AKAP6: variants seen among roughly 807,000 people sequenced by gnomAD.
AKAP6 encodes the protein A-kinase anchoring protein 6.
In AKAP6, 58 loss-of-function variants were observed where a neutral mutation model predicts 188.5. That is an observed-to-expected ratio of 0.31 (90% CI 0.25 to 0.38). The LOEUF is 0.38. Ranked by LOEUF, AKAP6 falls within the 10% of genes least tolerant of loss-of-function variation. AKAP6 has a pLI of 1.00. For missense variants in AKAP6, 2,710 were observed against 2,740.0 expected (o/e 0.99, Z 0.24); for synonymous variants, 989 against 998.6 (o/e 0.99, Z 0.18).
chr14:32,651,973 C>T (rs1334367303), intron 7 of AKAP6, among the ~76,000 whole-genome samples: 1 of 151,954 alleles, frequency 6.6e-6, no homozygotes, highest in African/African-American at 2.4e-5. Flanking sequence ...TCTGTTCTTC[C>T]TTATATAGTA....
At chr14:32,529,940 T>C (rs1187191434) in intron 2 of AKAP6, among the ~76,000 whole-genome samples, 3 of 151,176 alleles carry the variant, frequency 2.0e-5, no homozygotes, top group Non-Finnish European at 2.9e-5. Flanking sequence ...CATACACATA[T>C]GGTGAACATA....
chr14:32,397,757 G>A (rs190305218), intron 1 of AKAP6, among the ~76,000 whole-genome samples: 2 of 152,298 alleles, frequency 1.3e-5, no homozygotes, highest in Non-Finnish European at 1.5e-5. Context: ...TAAGGCAAGG[G>A]TAGGTACAAT....
chr14:32,801,607 C>T (rs1347502123), intron 12 of AKAP6, among the ~76,000 whole-genome samples: 1 of 152,118 alleles, frequency 6.6e-6, no homozygotes, highest in Non-Finnish European at 1.5e-5. Context: ...AGGATTCTTT[C>T]TTTATGTCAA....
At chr14:32,748,995 G>C (rs1444336410) in intron 11 of AKAP6, among the ~76,000 whole-genome samples, 1 of 152,138 alleles carries the variant, frequency 6.6e-6, no homozygotes, top group Non-Finnish European at 1.5e-5. Context: ...CATTTAAGGA[G>C]AGAAACAAAA....
intron 2 of AKAP6, among the ~76,000 whole-genome samples, chr14:32,473,370 T>C (rs1405610479): frequency 1.3e-5 from 2 of 152,122 alleles, no homozygotes; most frequent in Non-Finnish European, 2.9e-5. Flanking sequence ...AACTAGAAAA[T>C]GAGAAGTAGA....
chr14:32,822,541 T>C lies in AKAP6; in HGVS notation c.4728T>C (p.Asp1576=), dbSNP rs752072710. ...TTGAGTCCCTTTCTCCAGGGGGTGA[T>C]TTATTTGGATTGGGCATCTTTAAAA... ...SSIESLSPGG[D]LFGLGIFKNG... The change falls in exon 13 of 14, where the codon GAT becomes GAC. Residue 1576 remains aspartate, a synonymous_variant. Transcript: ENST00000280979. 6.2e-7 allele frequency: 1 copy of C among 1,614,022 alleles called. No individual in the cohort carries two copies. Among genetic ancestry groups the C allele is most frequent in the Non-Finnish European group, 8.5e-7 (1 of 1,179,944 alleles).
At chr14:32,631,475 CAAG>C (rs1887270702) in intron 7 of AKAP6, among the ~76,000 whole-genome samples, 1 of 151,956 alleles carries the variant, frequency 6.6e-6, no homozygotes, top group Non-Finnish European at 1.5e-5. Context: ...ACAAATATGG[CAAG>C]AAAGTTAGTA....
intron 11 of AKAP6, among the ~76,000 whole-genome samples, chr14:32,771,220 T>C (rs1322248129): frequency 2.0e-5 from 3 of 152,004 alleles, no homozygotes; most frequent in Non-Finnish European, 2.9e-5. Context: ...CTGAAAAATA[T>C]GTTGGTCATG....
At chr14:32,810,500 A>T (rs920678058) in intron 12 of AKAP6, among the ~76,000 whole-genome samples, 2 of 152,164 alleles carry the variant, frequency 1.3e-5, no homozygotes, top group South Asian at 2.1e-4. Flanking sequence ...AGGTCGCAAA[A>T]AGAAACCCTC....
At chr14:32,437,225 G>A (rs1890410804) in intron 2 of AKAP6, among the ~76,000 whole-genome samples, 1 of 152,106 alleles carries the variant, frequency 6.6e-6, no homozygotes, top group Non-Finnish European at 1.5e-5. Flanking sequence ...GGACAGTCAT[G>A]TTTAATATCT....
intron 12 of AKAP6, among the ~76,000 whole-genome samples, chr14:32,809,143 G>A (rs2034160012): frequency 6.6e-6 from 1 of 152,202 alleles, no homozygotes; most frequent in South Asian, 2.1e-4. Flanking sequence ...ACATAAAGCT[G>A]AGAAAGCTGG....
At chr14:32,717,609 C>CAA (rs2030290219) in intron 9 of AKAP6, among the ~76,000 whole-genome samples, 1 of 56,494 alleles carries the variant, frequency 1.8e-5, no homozygotes, top group African/African-American at 1.4e-4. Context: ...TGTCTCTTAT[C>CAA]ACACACACAC....
intron 1 of AKAP6, among the ~76,000 whole-genome samples, chr14:32,396,599 G>A (rs1480967389): frequency 1.3e-5 from 2 of 152,130 alleles, no homozygotes; most frequent in Non-Finnish European, 2.9e-5. Context: ...AAGGTGTGTT[G>A]GGGAGTTCTG....
chr14:32,599,592 C>T (rs557231262), intron 6 of AKAP6, 86 bp downstream of exon 6: 1 of 980,422 alleles, frequency 1.0e-6, no homozygotes, highest in Admixed American at 2.2e-5. Context: ...TGCATATATT[C>T]ACTTCCTTAT....
chr14:32,819,469 A>C (rs756602972), intron 12 of AKAP6, among the ~76,000 whole-genome samples: 8 of 152,198 alleles, frequency 5.3e-5, no homozygotes, highest in Non-Finnish European at 1.2e-4. Context: ...AATAATTCTG[A>C]CATTAATACA....
chr14:32,656,177 A>G (rs1465923304), intron 7 of AKAP6, among the ~76,000 whole-genome samples: 2 of 152,126 alleles, frequency 1.3e-5, no homozygotes, highest in African/African-American at 4.8e-5. Context: ...CAATATTTAT[A>G]GCGTGTATGA....
intron 2 of AKAP6, among the ~76,000 whole-genome samples, chr14:32,480,629 T>A (rs1303029764): frequency 6.6e-6 from 1 of 152,192 alleles, no homozygotes; most frequent in East Asian, 1.9e-4. Context: ...ACCCAAAGTT[T>A]TTTAAAAATC....
At chr14:32,378,233 T>A (rs113522487) in intron 1 of AKAP6, among the ~76,000 whole-genome samples, 9 of 152,324 alleles carry the variant, frequency 5.9e-5, no homozygotes, top group African/African-American at 1.7e-4. Context: ...ATAATAATAC[T>A]GAAATATTTA....
At chr14:32,829,383 A>C (rs1009754937) in intron 13 of AKAP6, among the ~76,000 whole-genome samples, 1 of 152,230 alleles carries the variant, frequency 6.6e-6, no homozygotes, top group African/African-American at 2.4e-5. Context: ...TATCATGCAT[A>C]AAATCACTGC....
Sources: allele counts gnomAD v4.1 joint callset (sites outside exome capture counted in the v4.1 genomes callset), GRCh38; gene constraint gnomAD v4.1.1; transcripts MANE v1.5; gene names NCBI Gene and HGNC (gene_info 2026-07-23, HGNC 2026-07-21).